VAV2: variants seen among roughly 807,000 people sequenced by gnomAD.
The protein encoded by VAV2 is vav guanine nucleotide exchange factor 2.
VAV2 carries 67 observed loss-of-function variants against 132.5 expected under a neutral mutation model. That is an observed-to-expected ratio of 0.51 (90% CI 0.42 to 0.62). VAV2 has a LOEUF of 0.62. Ranked by LOEUF, VAV2 falls within the 20% of genes least tolerant of loss-of-function variation. The pLI, the probability that VAV2 is intolerant of heterozygous loss-of-function variation, is 0.00. For synonymous variants in VAV2, 492 were observed against 443.5 expected (o/e 1.11, Z -1.37); for missense variants, 938 against 1,153.6 (o/e 0.81, Z 2.71).
chr9:133,782,102 GGGGCGGGGC>G (rs201233341), intron 19 of VAV2, among the ~76,000 whole-genome samples: 6,268 of 151,004 alleles, frequency 0.042, 135 homozygotes, highest in African/African-American at 0.048. Flanking sequence ...TAATCCGGCG[GGGGCGGGGC>G]GGGGGAGGAA....
intron 2 of VAV2, among the ~76,000 whole-genome samples, chr9:133,916,186 C>T (rs748596300): frequency 2.0e-5 from 3 of 152,216 alleles, no homozygotes; most frequent in African/African-American, 4.8e-5. Flanking sequence ...TGCTCAAACA[C>T]GCCTCTCTGC....
intron 7 of VAV2, among the ~76,000 whole-genome samples, chr9:133,807,844 G>A (rs992275766): frequency 2.2e-4 from 34 of 152,366 alleles, no homozygotes; most frequent in Non-Finnish European, 4.3e-4. Context: ...TCCAGCCTCA[G>A]GCGGGATGTG....
At chr9:133,964,108 C>T (rs1331368306) in intron 1 of VAV2, among the ~76,000 whole-genome samples, 1 of 139,504 alleles carries the variant, frequency 7.2e-6, no homozygotes, top group Non-Finnish European at 1.5e-5. Context: ...GCCTGTAGTC[C>T]CAGCACTTTG....
intron 2 of VAV2, among the ~76,000 whole-genome samples, chr9:133,870,135 G>C (rs1837970542): frequency 6.6e-6 from 1 of 152,108 alleles, no homozygotes; most frequent in Admixed American, 6.5e-5. Flanking sequence ...TTCAGGTTTT[G>C]CCACCAGGAG....
chr9:133,810,328 T>C lies in VAV2; in HGVS notation c.553-123A>G, dbSNP rs1835312649. The stretch of plus-strand genomic sequence containing the variant: ...ACCAGCCAACAGACCCAAAGCCACA[T>C]CACGGCCCCTCGTGCTGCCCAGCTG... On this transcript the variant is annotated intron_variant, in intron 5 of 29. Transcript: ENST00000371850. 8 of 1,481,676 alleles carry C rather than the reference T, an allele frequency of 5.4e-6. 1 individual carries two copies. In the Admixed American group the frequency reaches 7.7e-5, roughly 14 times the overall value. 91.8% of individuals were successfully genotyped at this position (1,481,676 alleles called of 1,614,324 possible).
chr9:133,839,696 G>A (rs1378436830), intron 3 of VAV2, among the ~76,000 whole-genome samples: 6 of 151,994 alleles, frequency 3.9e-5, no homozygotes, highest in African/African-American at 7.3e-5. Context: ...TGATCCGCCC[G>A]CCTCAGCCTC....
At chr9:133,807,406 C>T (rs948036593) in intron 7 of VAV2, 80 bp from the exon 8 acceptor site, 59 of 1,450,872 alleles carry the variant, frequency 4.1e-5, no homozygotes, top group Admixed American at 1.6e-4. Context: ...GGGAGGGTCC[C>T]AGGGCAGCTC....
At chr9:133,858,656 G>A (rs962532547) in intron 3 of VAV2, among the ~76,000 whole-genome samples, 2 of 152,166 alleles carry the variant, frequency 1.3e-5, no homozygotes, top group African/African-American at 4.8e-5. Context: ...TGAGCCCTGG[G>A]ATTTACAGGT....
chr9:133,783,489 AG>A lies in VAV2; in HGVS notation c.1723+13del, dbSNP rs56145872. On this transcript the variant is annotated intron_variant, in intron 19 of 29. Transcript: ENST00000371850. ...GGCCAGGGACTGGGGTGGGGGGGTG[AG>A]GGGGGTACTCACTGAACTTGCAGGG... The A allele has an allele frequency of 5.0e-6, 8 of 1,591,304 alleles. No individual in the cohort carries two copies. Among genetic ancestry groups the A allele is most frequent in the Non-Finnish European group, 1.7e-6 (2 of 1,169,524 alleles).
rs1837423325 is a variant in VAV2 at position 133,857,345 on chromosome 9, C to T, written c.380+4029G>A. Among the ~76,000 whole-genome samples the T allele has an allele frequency of 6.6e-6, 1 of 152,228 alleles. No individual in the cohort carries two copies. The highest frequency in any genetic ancestry group is 1.5e-5 in the Non-Finnish European group (1 of 68,050). On this transcript the variant is annotated intron_variant, in intron 3 of 29. Coordinates refer to ENST00000371850, the MANE Select transcript of VAV2 (RefSeq NM_001134398.2). This position sits in a 1 kb window ranked among gnomAD's most constrained non-coding sequence, Gnocchi z 4.0. ...CGCTTCCCCAACACGTTTGATCCCC[C>T]AGCCGGCACCAGGGCGGGATTCTTA...
At chr9:133,909,969 C>T (rs1839817628) in intron 2 of VAV2, among the ~76,000 whole-genome samples, 1 of 151,264 alleles carries the variant, frequency 6.6e-6, no homozygotes, top group African/African-American at 2.4e-5. Context: ...TCCTTACCAG[C>T]TATGCTAGCA....
chr9:133,981,114 G>C (rs1175183906), intron 1 of VAV2, among the ~76,000 whole-genome samples: 2 of 152,228 alleles, frequency 1.3e-5, no homozygotes, highest in African/African-American at 4.8e-5. Context: ...AGAAGCAGGA[G>C]ACGGGGTGAG....
rs1835994655 is a variant in VAV2, at chr9:133,826,544, T to G, written c.449+7728A>C. Among the ~76,000 whole-genome samples, 1 of 152,096 alleles carries G rather than the reference T, an allele frequency of 6.6e-6. No homozygotes were observed. On this transcript the variant is annotated intron_variant, in intron 4 of 29. Transcript: ENST00000371850. The surrounding 1 kb of genome is among the most constrained non-coding windows in gnomAD (Gnocchi z 4.2). The stretch of plus-strand genomic sequence containing the variant: ...AGCCTGTGAGGTTGCAGGACCCTGC[T>G]CTGCAGACAAGGATGCTCCTGGTGG...
chr9:133,793,405 T>C (rs957212637), intron 12 of VAV2, among the ~76,000 whole-genome samples: 4 of 147,938 alleles, frequency 2.7e-5, no homozygotes, highest in Non-Finnish European at 4.5e-5. Context: ...CACCATTGGC[T>C]CCCCACCCAC....
chr9:133,851,888 C>CATGG (rs1179958105), intron 3 of VAV2, among the ~76,000 whole-genome samples: 12 of 106,726 alleles, frequency 1.1e-4, no homozygotes, highest in Non-Finnish European at 2.3e-4. Flanking sequence ...TGGATGGATG[C>CATGG]ATGGATGGAT....
At position 133,872,354 on chromosome 9, in the gene VAV2, G is replaced by A. The variant is rs375293411; in HGVS notation, c.322-10922C>T. Among the ~76,000 whole-genome samples the A allele has an allele frequency of 7.2e-5, 11 of 152,360 alleles. No individual in the cohort carries two copies. In the South Asian group the frequency reaches 1.0e-3, roughly 14 times the overall value. On this transcript the variant is annotated intron_variant, in intron 2 of 29. Transcript: ENST00000371850. ...ATGGCTGTGCTGGGTGGGTGACTGC[G>A]AGTCTAACTTCCCCCTCTTCTCTGC...
Position 133,787,243 on chromosome 9 carries a change from T to TA in VAV2, c.1422+2dup. 1.9e-6 allele frequency: 3 copies of TA among 1,584,402 alleles called. No homozygotes were observed. Among genetic ancestry groups the TA allele is most frequent in the Non-Finnish European group, 2.6e-6 (3 of 1,163,082 alleles). On this transcript the variant is annotated splice_region_variant and intron_variant, in intron 16 of 29. Transcript: ENST00000371850. ...TGGGAGGACCTGGGCGCTAGGTGCT[T>TA]ACCATTTTCCCGTGAGACTAGGAAG...
At chr9:133,924,563 A>T (rs142847995) in intron 2 of VAV2, among the ~76,000 whole-genome samples, 18 of 152,260 alleles carry the variant, frequency 1.2e-4, no homozygotes, top group Admixed American at 5.2e-4. Context: ...CACGGCTCCA[A>T]TCTGTACACT....
At chr9:133,813,904 G>T (rs561750909) in intron 4 of VAV2, among the ~76,000 whole-genome samples, 1 of 152,234 alleles carries the variant, frequency 6.6e-6, no homozygotes. Flanking sequence ...AATCCTTGGC[G>T]GTAACAGCAC....
Sources: gnomAD v4.1 joint callset for allele counts (sites outside exome capture counted in the v4.1 genomes callset) on GRCh38, gnomAD v4.1.1 for gene constraint, Gnocchi (gnomAD v3.1) non-coding constraint, MANE v1.5 for transcripts, NCBI Gene and HGNC (gene_info 2026-07-23, HGNC 2026-07-21) for gene names.